ZNF554: variants seen among roughly 807,000 people sequenced by gnomAD.
ZNF554 encodes zinc finger protein 554.
Under a neutral mutation model 21.2 loss-of-function variants are expected in ZNF554, and 15 were observed. The observed-to-expected ratio is 0.71, with a 90% CI of 0.47 to 1.09. The LOEUF (loss-of-function observed/expected upper bound fraction) is 1.09, where lower values mean the gene tolerates loss of function less well. ZNF554 is among the 50% of genes least tolerant of loss of function. ZNF554 has a pLI of 0.00. For missense variants in ZNF554, 691 were observed against 662.7 expected (o/e 1.04, Z -0.47); for synonymous variants, 258 against 251.4 (o/e 1.03, Z -0.25).
rs1328581294 is a variant in ZNF554, at chr19:2,833,986, A to T, written c.751A>T (p.Ile251Phe). The change falls in exon 5 of 5, where the codon ATT becomes TTT. Residue 251 changes from isoleucine to phenylalanine, a missense_variant. Coordinates refer to ENST00000317243, the MANE Select transcript of ZNF554 (RefSeq NM_001102651.2). ...CCACTTGTGTGGCAGCGAGTTAGATATTACAAGCTTGGCATCCGATTCAGT... is the reference window on the plus strand; with the variant it reads ...CCACTTGTGTGGCAGCGAGTTAGATTTTACAAGCTTGGCATCCGATTCAGT... ...GNHLCGSELD[I>F]TSLASDSVLN... 9 of 1,614,154 alleles carry T rather than the reference A, an allele frequency of 5.6e-6. No individual in the cohort carries two copies. The highest frequency in any genetic ancestry group is 7.6e-6 in the Non-Finnish European group (9 of 1,180,042).
intron 1 of ZNF554, among the ~76,000 whole-genome samples, chr19:2,820,411 G>A (rs1261391422): frequency 4.6e-5 from 7 of 152,228 alleles, no homozygotes; most frequent in Admixed American, 4.6e-4. Flanking sequence ...GGCAGAGAGG[G>A]GCTGCCACGC....
intron 2 of ZNF554, chr19:2,826,313 C>T (rs543656570): frequency 2.0e-5 from 3 of 146,648 alleles, no homozygotes; most frequent in East Asian, 2.1e-4. Context: ...AAGCGATTCT[C>T]CTGCCTCAGC....
rs764373557 is a variant in ZNF554, at chr19:2,834,729, G to C, written c.1494G>C (p.Gly498=). The C allele has an allele frequency of 8.2e-5, 132 of 1,613,954 alleles. No homozygotes were observed. Among genetic ancestry groups the C allele is most frequent in the Non-Finnish European group, 1.1e-4 (127 of 1,179,992 alleles). The change falls in exon 5 of 5, where the codon GGG becomes GGC. Residue 498 remains glycine (G), a synonymous_variant. Coordinates refer to ENST00000317243, the MANE Select transcript of ZNF554 (RefSeq NM_001102651.2). Reference sequence around the variant, plus strand: ...AACCCTACAGGTGTCAGGAATGTGGGAAAGCCTTCAGCCAGAGCTCATCCC... The same window carrying C: ...AACCCTACAGGTGTCAGGAATGTGGCAAAGCCTTCAGCCAGAGCTCATCCC... The part of the protein sequence containing the change: ...GEKPYRCQEC[G]KAFSQSSSLV...
At chr19:2,827,095 C>A (rs906959200) in intron 2 of ZNF554, among the ~76,000 whole-genome samples, 5 of 152,156 alleles carry the variant, frequency 3.3e-5, no homozygotes, top group African/African-American at 1.2e-4. Context: ...TTGGGTATTG[C>A]TTCTCAGTCT....
At chr19:2,820,634 C>A (rs1568330696) in intron 1 of ZNF554, among the ~76,000 whole-genome samples, 1 of 150,624 alleles carries the variant, frequency 6.6e-6, no homozygotes, top group East Asian at 2.0e-4. Flanking sequence ...GAGGGAGAGA[C>A]CTCACTTATA....
intron 3 of ZNF554, among the ~76,000 whole-genome samples, chr19:2,829,921 A>ATTTCT (rs1019603184): frequency 1.3e-5 from 2 of 151,490 alleles, no homozygotes; most frequent in African/African-American, 4.9e-5. Context: ...TACCCTGGAC[A>ATTTCT]TTTCTTTTCT....
In ZNF554 at chr19:2,833,816, A is replaced by C. The variant is rs1243989734; in HGVS notation, c.581A>C (p.Glu194Ala). 6.2e-7 allele frequency: 1 copy of C among 1,612,650 alleles called. No individual in the cohort carries two copies. Among genetic ancestry groups the C allele is most frequent in the Non-Finnish European group, 8.5e-7 (1 of 1,179,368 alleles). The change falls in exon 5 of 5, where the codon GAA becomes GCA. Residue 194 changes from glutamate to alanine, a missense_variant. Transcript: ENST00000317243. ...TGGAAGCAGTTAGAGGACAGCCATGAAGACCCCCAGGGGCTTTTGAGCCAA... is the reference window on the plus strand; with the variant it reads ...TGGAAGCAGTTAGAGGACAGCCATGCAGACCCCCAGGGGCTTTTGAGCCAA... ...GGWKQLEDSH[E>A]DPQGLLSQKA...
At chr19:2,820,684 C>CCTTTTTTTTTTTTTTTTTTTTTTT (rs2087250423) in intron 1 of ZNF554, among the ~76,000 whole-genome samples, 1 of 103,192 alleles carries the variant, frequency 9.7e-6, no homozygotes, top group Non-Finnish European at 2.0e-5. Flanking sequence ...AGCAAGGGTC[C>CCTTTTTTTTTTTTTTTTTTTTTTT]TTTTTTTTTT....
chr19:2,822,095 G>A (rs1215480628), intron 1 of ZNF554, among the ~76,000 whole-genome samples: 1 of 152,080 alleles, frequency 6.6e-6, no homozygotes, highest in East Asian at 1.9e-4. Context: ...CCATTGCCCA[G>A]GCTGGAGTGC....
chr19:2,822,976 A>AG, intron 1 of ZNF554, 64 bp from the exon 2 acceptor site: 1 of 1,543,772 alleles, frequency 6.5e-7, no homozygotes, highest in Non-Finnish European at 8.8e-7. Context: ...CTCCAGGCCA[A>AG]GGGCTCTGGG....
chr19:2,826,370 A>ATT (rs1399889488), intron 2 of ZNF554: 32 of 151,284 alleles, frequency 2.1e-4, no homozygotes, highest in African/African-American at 7.3e-4. Flanking sequence ...CGATTGGCTG[A>ATT]TTTTTGTATT....
Position 2,833,994 on chromosome 19 carries a change from C to T in ZNF554, c.759C>T (p.Ser253=). The T allele has an allele frequency of 6.2e-7, 1 of 1,614,126 alleles. No homozygotes were observed. The highest frequency in any genetic ancestry group is 1.1e-5 in the South Asian group (1 of 91,088). ...HLCGSELDIT[S]LASDSVLNHH... is the part of the protein sequence containing the mutation. ...GTGGCAGCGAGTTAGATATTACAAGCTTGGCATCCGATTCAGTCTTAAACC... is the reference window on the plus strand; with the variant it reads ...GTGGCAGCGAGTTAGATATTACAAGTTTGGCATCCGATTCAGTCTTAAACC... The change falls in exon 5 of 5, where the codon AGC becomes AGT. Residue 253 remains serine (S), a synonymous_variant. Transcript: ENST00000317243.
chr19:2,824,817 C>T lies in ZNF554; in HGVS notation c.126+1705C>T, dbSNP rs183231344. On this transcript the variant is annotated intron_variant, in intron 2 of 4. Transcript: ENST00000317243. The stretch of plus-strand genomic sequence containing the variant: ...CTCCTCTCTAGAACTTCCTCCTCTT[C>T]CCAAACTGAAGCTCTGTCCCCATGA... 7.5e-3 allele frequency among the ~76,000 whole-genome samples: 1,145 copies of T among 152,194 alleles called. 5 individuals carry two copies. Among genetic ancestry groups the T allele is most frequent in the Non-Finnish European group, 0.012 (837 of 68,006 alleles).
chr19:2,827,432 G>C (rs1215606828), intron 2 of ZNF554, among the ~76,000 whole-genome samples, 185 bp from the exon 3 acceptor site: 1 of 152,194 alleles, frequency 6.6e-6, no homozygotes, highest in Non-Finnish European at 1.5e-5. Flanking sequence ...GGTGGGCCTA[G>C]GGTCTGTATG....
At chr19:2,823,144 C>T (rs1203212833) in intron 2 of ZNF554, 32 bp downstream of exon 2, 3 of 1,597,836 alleles carry the variant, frequency 1.9e-6, no homozygotes, top group African/African-American at 1.3e-5. Flanking sequence ...AAAGGGCACC[C>T]AGTATATCCA....
Position 2,821,461 on chromosome 19 carries a change from A to G in ZNF554, c.53+1337A>G, listed in dbSNP as rs987770414. On this transcript the variant is annotated intron_variant, in intron 1 of 4. Coordinates refer to ENST00000317243, the MANE Select transcript of ZNF554 (RefSeq NM_001102651.2). This position sits in a 1 kb window ranked among gnomAD's most constrained non-coding sequence, Gnocchi z 8.2. ...GGGGAGGCTTGAAATTTATTCTCTC[A>G]CAAGTCTGGAGGCCAGAAGCCCAAC... Among the ~76,000 whole-genome samples the G allele has an allele frequency of 6.6e-6, 1 of 151,738 alleles. No individual in the cohort carries two copies. Among genetic ancestry groups the G allele is most frequent in the Non-Finnish European group, 1.5e-5 (1 of 67,986 alleles).
intron 3 of ZNF554, among the ~76,000 whole-genome samples, chr19:2,828,903 C>T (rs1355349581): frequency 6.6e-6 from 1 of 152,134 alleles, no homozygotes; most frequent in East Asian, 1.9e-4. Context: ...GATCTCATCA[C>T]CTCCCATCAG....
rs1175048977 is a variant in ZNF554, at chr19:2,836,208, C to T, written c.*1356C>T. ...TGCTGGGATTACGGGTGTGAGCCAC[C>T]GTGCTGGTATTACGGGTGTGAGCCA... is the stretch of plus-strand genomic sequence containing the variant. On this transcript the variant is annotated 3_prime_UTR_variant, in exon 5 of 5. Transcript: ENST00000317243. Among the ~76,000 whole-genome samples the T allele has an allele frequency of 2.1e-5, 3 of 144,924 alleles. No homozygotes were observed. Among genetic ancestry groups the T allele is most frequent in the Non-Finnish European group, 3.0e-5 (2 of 66,346 alleles).
chr19:2,825,820 C>G (rs1024295496), intron 2 of ZNF554, among the ~76,000 whole-genome samples: 1 of 152,154 alleles, frequency 6.6e-6, no homozygotes, highest in African/African-American at 2.4e-5. Flanking sequence ...ATACAGGGCC[C>G]TTAAGGCTGG....
Sources: gnomAD v4.1 joint callset for allele counts (sites outside exome capture counted in the v4.1 genomes callset) on GRCh38, gnomAD v4.1.1 for gene constraint, Gnocchi (gnomAD v3.1) non-coding constraint, MANE v1.5 for transcripts, NCBI Gene and HGNC (gene_info 2026-07-23, HGNC 2026-07-21) for gene names.